Variants in ESYT2 observed in about 807,000 individuals in gnomAD.
The protein encoded by ESYT2 is extended synaptotagmin-2.
A neutral mutation model predicts 107.2 loss-of-function variants in ESYT2; 54 were observed. That is an observed-to-expected ratio of 0.50 (90% CI 0.40 to 0.63). The LOEUF is 0.63. ESYT2 is among the 30% of genes least tolerant of loss of function. The pLI is 0.00. For synonymous variants in ESYT2, 491 were observed against 434.1 expected, an observed-to-expected ratio of 1.13 and a Z score of -1.63; for missense variants, 1,020 against 1,094.5, an observed-to-expected ratio of 0.93 and a Z score of 0.96.
intron 14 of ESYT2, among the ~76,000 whole-genome samples, chr7:158,752,328 C>A (rs2129471762): frequency 6.6e-6 from 1 of 152,258 alleles, no homozygotes. Flanking sequence ...CCCAGCAGCA[C>A]CAGAAGCCAT....
At chr7:158,779,131 C>G (rs574492897) in intron 6 of ESYT2, among the ~76,000 whole-genome samples, 3 of 152,180 alleles carry the variant, frequency 2.0e-5, no homozygotes, top group East Asian at 1.9e-4. Flanking sequence ...TTAAGGCTAT[C>G]TAGAAATCTG....
Position 158,788,399 on chromosome 7 carries a change from C to G in ESYT2, c.603G>C (p.Glu201Asp), listed in dbSNP as rs1250861746. ...DLQISFVGNCEIDLEIKRYFC... is the reference protein window; with the variant it reads ...DLQISFVGNCDIDLEIKRYFC... ...AATATCGTTTGATCTCCAAATCAATCTCACAATTTCCTACAAAACTAACAA... is the reference window on the plus strand; with the variant it reads ...AATATCGTTTGATCTCCAAATCAATGTCACAATTTCCTACAAAACTAACAA... Residue 201 changes from glutamate to aspartate, a missense_variant, in exon 5 of 23, where the codon GAG becomes GAC. By Grantham distance (45) the Glu-to-Asp change is conservative (BLOSUM62 2). Transcript: ENST00000275418. The G allele has an allele frequency of 3.7e-5, 60 of 1,611,610 alleles. No homozygotes were observed. Among genetic ancestry groups the G allele is most frequent in the Non-Finnish European group, 5.0e-5 (59 of 1,179,318 alleles).
At chr7:158,738,972 G>T in intron 19 of ESYT2, 51 bp downstream of exon 19, 1 of 1,537,506 alleles carries the variant, frequency 6.5e-7, no homozygotes, top group Non-Finnish European at 9.0e-7. Context: ...ATCCTATCCA[G>T]CATCCACACT....
At chr7:158,810,750 G>A (rs1563036132) in intron 1 of ESYT2, among the ~76,000 whole-genome samples, 3 of 152,230 alleles carry the variant, frequency 2.0e-5, no homozygotes, top group East Asian at 3.9e-4. Context: ...GGGATGTCCA[G>A]AAGGTGTCTT....
At chr7:158,756,912 A>AT (rs1563629834) in intron 13 of ESYT2, among the ~76,000 whole-genome samples, 2 of 143,912 alleles carry the variant, frequency 1.4e-5, no homozygotes, top group African/African-American at 5.5e-5. Flanking sequence ...TCCATCTCAA[A>AT]TTAAAAAAAA....
rs192143021 is a variant in ESYT2 at position 158,783,474 on chromosome 7, G to C, written c.747+4530C>G. On this transcript the variant is annotated intron_variant, in intron 6 of 22. Transcript: ENST00000275418. Reference sequence around the variant, plus strand: ...CCTTTCTCCAGTTTTTTATTTAGCAGATCTGGGCTGTTGGTAAAGTTCAAA... The same window carrying C: ...CCTTTCTCCAGTTTTTTATTTAGCACATCTGGGCTGTTGGTAAAGTTCAAA... Among the ~76,000 whole-genome samples the C allele has an allele frequency of 1.3e-4, 20 of 152,326 alleles. 1 individual carries two copies. Among genetic ancestry groups the C allele is most frequent in the Admixed American group, 3.3e-4 (5 of 15,308 alleles).
chr7:158,786,337 T>C (rs1464093800), intron 6 of ESYT2, among the ~76,000 whole-genome samples: 5 of 152,198 alleles, frequency 3.3e-5, no homozygotes, highest in Admixed American at 3.3e-4. Flanking sequence ...TAAAAATACT[T>C]AGCAATTTGT....
Position 158,759,543 on chromosome 7 carries a change from G to T in ESYT2, c.1362C>A (p.Asn454Lys), listed in dbSNP as rs61735910. 8 of 1,612,572 alleles carry T rather than the reference G, an allele frequency of 5.0e-6. No individual in the cohort carries two copies. Among genetic ancestry groups the T allele is most frequent in the Non-Finnish European group, 6.8e-6 (8 of 1,178,760 alleles). Residue 454 changes from asparagine to lysine, a missense_variant, in exon 13 of 23, where the codon AAC becomes AAA. By Grantham distance (94) the Asn-to-Lys change is moderately conservative. Coordinates refer to ENST00000275418, the MANE Select transcript of ESYT2 (RefSeq NM_001367773.1). ...TCAGCAATGCAGAGGAAAGACCATC[G>T]TTGGCTTGGTCTTTGTCAGCTTTGA... Reference protein sequence around the residue: ...TDIKADKDQANDGLSSALLIL... With the variant: ...TDIKADKDQAKDGLSSALLIL...
Position 158,741,815 on chromosome 7 carries a change from CCT to C in ESYT2, c.1874_1875del (p.Glu625GlyfsTer32). On this transcript the variant is annotated frameshift_variant, in exon 18 of 23. Coordinates refer to ENST00000275418, the MANE Select transcript of ESYT2 (RefSeq NM_001367773.1). ...AQVKRPSVSKEGRKTSIKSHM... is the reference protein window; with the variant it reads ...AQVKRPSVSKXGRKTSIKSHM... The stretch of plus-strand genomic sequence containing the variant: ...TGAGATTTGATGGATGTTTTCCTCC[CCT>C]CTTTGGACACAGAGGGACGTTTGAC... 6.2e-7 allele frequency: 1 copy of C among 1,614,046 alleles called. No homozygotes were observed. The highest frequency in any genetic ancestry group is 8.5e-7 in the Non-Finnish European group (1 of 1,180,012).
chr7:158,786,879 C>A (rs772117790), intron 6 of ESYT2, among the ~76,000 whole-genome samples: 3 of 152,188 alleles, frequency 2.0e-5, no homozygotes, highest in Non-Finnish European at 4.4e-5. Flanking sequence ...CAGTTATGAT[C>A]CTTGCTTTCA....
rs1837211245 is a variant in ESYT2, at chr7:158,741,638, G to A, written c.2053C>T (p.Leu685Phe). The change falls in exon 18 of 23, where the codon CTC (leucine) becomes TTC (phenylalanine). Residue 685 changes from leucine (L) to phenylalanine (F), a missense_variant. Transcript: ENST00000275418. ...GAGATGTGGCCTGGGGAGGCCAGGA[G>A]GCTGGAGGAGCTTCTGCCCAGGTCG... Reference protein sequence around the residue: ...LHDLGRSSSSLLASPGHISVK... With the variant: ...LHDLGRSSSSFLASPGHISVK... 1 of 1,613,692 alleles carries A rather than the reference G, an allele frequency of 6.2e-7. No homozygotes were observed. The highest frequency in any genetic ancestry group is 2.2e-5 in the East Asian group (1 of 44,858).
chr7:158,741,473 G>A (rs537117966), intron 18 of ESYT2, 50 bp downstream of exon 18: 1 of 1,363,890 alleles, frequency 7.3e-7, no homozygotes, highest in Non-Finnish European at 9.3e-7. Flanking sequence ...AGCGTGGGGT[G>A]GGGGGCGCTT....
chr7:158,741,815 C>G lies in ESYT2; in HGVS notation c.1876G>C (p.Gly626Arg), dbSNP rs774601902. ...QVKRPSVSKE[G>R]RKTSIKSHMS... is the part of the protein sequence containing the mutation. Reference sequence around the variant, plus strand: ...TGAGATTTGATGGATGTTTTCCTCCCCTCTTTGGACACAGAGGGACGTTTG... The same window carrying G: ...TGAGATTTGATGGATGTTTTCCTCCGCTCTTTGGACACAGAGGGACGTTTG... Residue 626 changes from glycine to arginine, a missense_variant, in exon 18 of 23, where the codon GGG becomes CGG. Gly to Arg is a moderately radical substitution (Grantham distance 125, BLOSUM62 -2). Coordinates refer to ENST00000275418, the MANE Select transcript of ESYT2 (RefSeq NM_001367773.1). 3.9e-5 allele frequency: 63 copies of G among 1,613,928 alleles called. No individual in the cohort carries two copies. Among genetic ancestry groups the G allele is most frequent in the South Asian group, 2.2e-4 (20 of 91,088 alleles).
chr7:158,758,703 G>C lies in ESYT2; in HGVS notation c.1419+783C>G, dbSNP rs193164679. Among the ~76,000 whole-genome samples the C allele has an allele frequency of 5.2e-4, 79 of 152,272 alleles. 1 individual carries two copies. The highest frequency in any genetic ancestry group is 9.3e-4 in the Non-Finnish European group (63 of 68,012). ...TAAACACTGAGTGCCTAGTCAGCAA[G>C]TGTATGGGCACTCTAAAATCATCAA... On this transcript the variant is annotated intron_variant, in intron 13 of 22. Coordinates refer to ENST00000275418, the MANE Select transcript of ESYT2 (RefSeq NM_001367773.1).
chr7:158,751,333 T>C (rs1170467367), intron 14 of ESYT2, among the ~76,000 whole-genome samples: 1 of 152,234 alleles, frequency 6.6e-6, no homozygotes, highest in African/African-American at 2.4e-5. Context: ...AATAATGATG[T>C]ATCTTAAAAT....
chr7:158,819,067 G>T (rs1189363616), intron 1 of ESYT2, among the ~76,000 whole-genome samples: 1 of 152,242 alleles, frequency 6.6e-6, no homozygotes, highest in African/African-American at 2.4e-5. Flanking sequence ...ACTTGTAACT[G>T]TTAGCAAACT....
In ESYT2 at chr7:158,734,240, C is replaced by T. The variant is rs781254815; in HGVS notation, c.2568G>A (p.Thr856=). ...AKGWTQWYDL[T]EDGTRPQAMT Reference sequence around the variant, plus strand: ...TCGCCTGAGGCCTCGTCCCATCTTCCGTGAGGTCATACCTGAGAAAGACAG... The same window carrying T: ...TCGCCTGAGGCCTCGTCCCATCTTCTGTGAGGTCATACCTGAGAAAGACAG... Residue 856 remains threonine, a synonymous_variant, in exon 23 of 23, where the codon ACG becomes ACA. Coordinates refer to ENST00000275418, the MANE Select transcript of ESYT2 (RefSeq NM_001367773.1). The T allele has an allele frequency of 8.1e-5, 131 of 1,613,964 alleles. No homozygotes were observed. The highest frequency in any genetic ancestry group is 1.2e-4 in the South Asian group (11 of 91,066).
chr7:158,779,681 G>A (rs1239370389), intron 6 of ESYT2, among the ~76,000 whole-genome samples: 2 of 152,158 alleles, frequency 1.3e-5, no homozygotes, highest in Non-Finnish European at 2.9e-5. Context: ...GGCCCCTTCT[G>A]CTCTAAACCG....
rs201014506 is a variant in ESYT2, at chr7:158,764,841, T to C, written c.937A>G (p.Ile313Val). The C allele has an allele frequency of 2.5e-6, 4 of 1,613,826 alleles. No homozygotes were observed. The highest frequency in any genetic ancestry group is 3.3e-5 in the Admixed American group (2 of 59,934). Reference sequence around the variant, plus strand: ...AGATCCTGAGCTTCAATAAAATGTATCCTTAGAACACCCTGAAAAGAAGAA... The same window carrying C: ...AGATCCTGAGCTTCAATAAAATGTACCCTTAGAACACCCTGAAAAGAAGAA... Reference protein sequence around the residue: ...RFPVPKGVLRIHFIEAQDLQG... With the variant: ...RFPVPKGVLRVHFIEAQDLQG... The change falls in exon 9 of 23, where the codon ATA becomes GTA. Residue 313 changes from isoleucine (I) to valine (V), a missense_variant. Ile to Val is a conservative substitution (Grantham distance 29). Transcript: ENST00000275418.
Sources: gnomAD v4.1 joint callset for allele counts (sites outside exome capture counted in the v4.1 genomes callset) on GRCh38, gnomAD v4.1.1 for gene constraint, MANE v1.5 for transcripts, NCBI Gene and HGNC (gene_info 2026-07-23, HGNC 2026-07-21) for gene names.